AAK1: variants seen among roughly 807,000 people sequenced by gnomAD.
AAK1 encodes the protein AP2-associated protein kinase 1.
AAK1 carries 37 observed loss-of-function variants against 116.0 expected under a neutral mutation model. The observed-to-expected ratio is 0.32, with a 90% confidence interval of 0.25 to 0.42. The LOEUF (loss-of-function observed/expected upper bound fraction) is 0.42, where lower values mean the gene tolerates loss of function less well. AAK1 is among the 10% of genes least tolerant of loss of function. AAK1 has a pLI of 1.00. For synonymous variants in AAK1, 458 were observed against 439.9 expected, an observed-to-expected ratio of 1.04 and a Z score of -0.51; for missense variants, 919 against 1,170.6, an observed-to-expected ratio of 0.79 and a Z score of 3.14.
At chr2:69,632,881 A>C (rs1393931485) in intron 2 of AAK1, among the ~76,000 whole-genome samples, 1 of 151,982 alleles carries the variant, frequency 6.6e-6, no homozygotes, top group Non-Finnish European at 1.5e-5. Flanking sequence ...AAAATGCAAA[A>C]AATTAGCCGG....
chr2:69,532,276 G>T, intron 5 of AAK1, 114 bp from the exon 6 acceptor site: 2 of 1,298,048 alleles, frequency 1.5e-6, no homozygotes, highest in Non-Finnish European at 2.1e-6. Flanking sequence ...TCATTAATGT[G>T]CACAGGGAAG....
chr2:69,500,698 T>TATATATATACATAC, intron 16 of AAK1, among the ~76,000 whole-genome samples: 1 of 65,102 alleles, frequency 1.5e-5, no homozygotes, highest in Non-Finnish European at 2.6e-5. Flanking sequence ...TATATATATA[T>TATATATATACATAC]ACACACACAC....
chr2:69,552,854 T>C (rs1184977469), intron 3 of AAK1, among the ~76,000 whole-genome samples: 1 of 151,932 alleles, frequency 6.6e-6, no homozygotes, highest in Non-Finnish European at 1.5e-5. Flanking sequence ...AAAAGAACAA[T>C]TGATAAACTG....
At chr2:69,484,234 G>T (rs896245835) in intron 17 of AAK1, among the ~76,000 whole-genome samples, 1 of 152,154 alleles carries the variant, frequency 6.6e-6, no homozygotes. Flanking sequence ...ATTGAGATAA[G>T]CAAGAAATAA....
At chr2:69,626,526 GTCTCAC>G (rs1368593961) in intron 2 of AAK1, among the ~76,000 whole-genome samples, 1 of 150,780 alleles carries the variant, frequency 6.6e-6, no homozygotes, top group Non-Finnish European at 1.5e-5. Flanking sequence ...TTGAGACAGG[GTCTCAC>G]TCTGTCTCCC....
chr2:69,546,721 C>T (rs1458261913), intron 3 of AAK1, among the ~76,000 whole-genome samples: 3 of 152,128 alleles, frequency 2.0e-5, no homozygotes, highest in Non-Finnish European at 2.9e-5. Context: ...ATCCCCAATG[C>T]AATCGTATTA....
intron 2 of AAK1, among the ~76,000 whole-genome samples, chr2:69,565,261 T>C (rs992347045): frequency 2.0e-5 from 3 of 152,254 alleles, no homozygotes; most frequent in African/African-American, 7.2e-5. Context: ...TCAAGTCTTT[T>C]GACTGCTAAA....
chr2:69,545,866 G>A (rs766232143), intron 3 of AAK1, among the ~76,000 whole-genome samples: 3 of 152,156 alleles, frequency 2.0e-5, no homozygotes, highest in Non-Finnish European at 4.4e-5. Flanking sequence ...TGAGAGTTGA[G>A]CAAGTAGGGC....
chr2:69,623,371 C>T (rs1674752107), intron 2 of AAK1, among the ~76,000 whole-genome samples: 1 of 152,192 alleles, frequency 6.6e-6, no homozygotes, highest in African/African-American at 2.4e-5. Context: ...TCTCTCTGTT[C>T]CTGTCACCAC....
intron 17 of AAK1, among the ~76,000 whole-genome samples, chr2:69,489,174 G>A (rs918987519): frequency 6.6e-6 from 1 of 151,224 alleles, no homozygotes; most frequent in African/African-American, 2.4e-5. Context: ...AAGAGAAGCC[G>A]GCTATGGGGC....
chr2:69,571,462 T>A (rs1009966150), intron 2 of AAK1, among the ~76,000 whole-genome samples: 1 of 152,240 alleles, frequency 6.6e-6, no homozygotes, highest in East Asian at 1.9e-4. Flanking sequence ...GAGGTTCCCT[T>A]GTACTTATCC....
chr2:69,574,533 G>A (rs1240727017), intron 2 of AAK1, among the ~76,000 whole-genome samples: 8 of 151,208 alleles, frequency 5.3e-5, no homozygotes, highest in Admixed American at 5.3e-4. Flanking sequence ...GATCCCACCT[G>A]TGAATAGCCA....
intron 2 of AAK1, 79 bp from the exon 3 acceptor site, chr2:69,557,057 C>A: frequency 9.8e-7 from 1 of 1,019,124 alleles, no homozygotes; most frequent in Non-Finnish European, 1.5e-6. Context: ...CTGGAGGTTG[C>A]CACTGTCACT....
At chr2:69,572,617 C>CT (rs1194552342) in intron 2 of AAK1, among the ~76,000 whole-genome samples, 8 of 86,592 alleles carry the variant, frequency 9.2e-5, no homozygotes, top group South Asian at 8.8e-4. Context: ...GAAACTCTGT[C>CT]TTTAAAAAAA....
rs1675823142 is a variant in AAK1 at position 69,643,138 on chromosome 2, A to G, written c.-98T>C. ...AAAAGAGATCCAAGGATTTCTTCTC[A>G]GATTTCACCTCGGAGAGGAGCCACC... On this transcript the variant is annotated 5_prime_UTR_variant, in exon 2 of 22. Transcript: ENST00000409085. 3.5e-6 allele frequency: 5 copies of G among 1,421,118 alleles called. No homozygotes were observed. Among genetic ancestry groups the G allele is most frequent in the Non-Finnish European group, 4.5e-6 (5 of 1,102,198 alleles). 88.0% of individuals were successfully genotyped at this position (1,421,118 alleles called of 1,614,324 possible).
chr2:69,513,603 G>GT (rs1282590430), intron 13 of AAK1, among the ~76,000 whole-genome samples: 6 of 152,166 alleles, frequency 3.9e-5, no homozygotes, highest in Admixed American at 6.5e-5. Context: ...GATTACAGGC[G>GT]TGAGGCCACT....
chr2:69,547,083 C>T (rs1483353249), intron 3 of AAK1, among the ~76,000 whole-genome samples: 1 of 152,114 alleles, frequency 6.6e-6, no homozygotes, highest in East Asian at 1.9e-4. Context: ...AGTGCTGGGA[C>T]AAGTGGGAAT....
intron 16 of AAK1, among the ~76,000 whole-genome samples, chr2:69,499,021 C>A (rs1015180191): frequency 6.6e-6 from 1 of 152,188 alleles, no homozygotes; most frequent in African/African-American, 2.4e-5. Flanking sequence ...CCTCCATCAT[C>A]TCCACAGCCA....
chr2:69,520,363 T>C (rs548109211), intron 11 of AAK1, among the ~76,000 whole-genome samples: 53 of 148,504 alleles, frequency 3.6e-4, no homozygotes, highest in Admixed American at 9.3e-4. Flanking sequence ...CTTTTCTTTT[T>C]TTTTTTTTTT....
Sources: gnomAD v4.1 joint callset for allele counts (sites outside exome capture counted in the v4.1 genomes callset) on GRCh38, gnomAD v4.1.1 for gene constraint, MANE v1.5 for transcripts, NCBI Gene and HGNC (gene_info 2026-07-23, HGNC 2026-07-21) for gene names.